Variants in SEC16B observed in about 807,000 individuals in gnomAD.
The protein encoded by SEC16B is SEC16 homolog B, endoplasmic reticulum export factor.
SEC16B carries 115 observed loss-of-function variants against 141.8 expected under a neutral mutation model. The observed-to-expected ratio is 0.81, with a 90% CI of 0.70 to 0.95. The LOEUF is 0.95. Among genes scored for constraint, SEC16B ranks in the 40% least tolerant of loss-of-function variants. SEC16B has a pLI of 0.00. For synonymous variants in SEC16B, 493 were observed against 492.5 expected, an observed-to-expected ratio of 1.00 and a Z score of -0.01; for missense variants, 1,291 against 1,312.3, an observed-to-expected ratio of 0.98 and a Z score of 0.25.
At chr1:177,968,122 C>T in intron 1 of SEC16B, 83 bp from the exon 2 acceptor site, 2 of 772,766 alleles carry the variant, frequency 2.6e-6, no homozygotes, top group Non-Finnish European at 2.0e-6. Context: ...GTGAAAAGAG[C>T]AGCTATGGTC....
Position 177,932,781 on chromosome 1 carries a change from TG to T in SEC16B, c.2848del (p.His950ThrfsTer9). ...SEETPRASSP[H>X]QAGLGLSLTP... ...CAGTGAGAGGCCCAGGCCAGCCTGG[TG>T]GGGAGAAGATGCTCTGGGGGTCTCC... is the stretch of plus-strand genomic sequence containing the variant. On this transcript the variant is annotated frameshift_variant, in exon 23 of 26. Transcript: ENST00000308284. LOFTEE classifies it high-confidence loss of function. 1 of 1,612,692 alleles carries T rather than the reference TG, an allele frequency of 6.2e-7. No individual in the cohort carries two copies. The highest frequency in any genetic ancestry group is 8.5e-7 in the Non-Finnish European group (1 of 1,179,544).
chr1:177,964,103 G>T, intron 5 of SEC16B, 68 bp downstream of exon 5: 2 of 1,152,154 alleles, frequency 1.7e-6, no homozygotes, highest in Non-Finnish European at 1.2e-6. Flanking sequence ...GCCCTGTTCT[G>T]CCACTGCTGA....
intron 14 of SEC16B, 163 bp downstream of exon 14, chr1:177,946,248 CCACGGGGCA>C (rs1332901568): frequency 1.5e-6 from 1 of 675,728 alleles, no homozygotes; most frequent in African/African-American, 1.8e-5. Flanking sequence ...AATGTGGGGC[CCACGGGGCA>C]TCTCCTTGCA....
intron 9 of SEC16B, 69 bp downstream of exon 9, chr1:177,958,771 T>C: frequency 6.6e-7 from 1 of 1,516,394 alleles, no homozygotes; most frequent in South Asian, 1.3e-5. Flanking sequence ...GTCATAAACA[T>C]AATCTTATCT....
intron 1 of SEC16B, 146 bp from the exon 2 acceptor site, chr1:177,968,185 GAAACA>G: frequency 4.1e-6 from 2 of 489,162 alleles, no homozygotes; most frequent in Non-Finnish European, 7.2e-6. Flanking sequence ...AGAAATCTGA[GAAACA>G]ATCTCAGATA....
intron 5 of SEC16B, among the ~76,000 whole-genome samples, chr1:177,962,334 T>C (rs1443660959): frequency 6.6e-6 from 1 of 152,016 alleles, no homozygotes; most frequent in Non-Finnish European, 1.5e-5. Context: ...CCTCCCAAAG[T>C]GCTGGGATTA....
At chr1:177,978,086 A>T (rs897914277) in intron 1 of SEC16B, among the ~76,000 whole-genome samples, 1 of 152,198 alleles carries the variant, frequency 6.6e-6, no homozygotes, top group Admixed American at 6.5e-5. Context: ...ACTTTGGTAC[A>T]CTATGGGAAT....
chr1:177,958,115 G>A lies in SEC16B; in HGVS notation c.1365+17C>T, dbSNP rs1425596989. On this transcript the variant is annotated intron_variant, in intron 10 of 25. Transcript: ENST00000308284. ...GATTGCTTTTTCAAAATAAGTATGGGGGAAGGGCATACTTGCCTTCTTCCT... is the reference window on the plus strand; with the variant it reads ...GATTGCTTTTTCAAAATAAGTATGGAGGAAGGGCATACTTGCCTTCTTCCT... The A allele has an allele frequency of 1.4e-6, 2 of 1,457,620 alleles. No homozygotes were observed. The highest frequency in any genetic ancestry group is 1.8e-6 in the Non-Finnish European group (2 of 1,094,412). The allele number at this position is 1,457,620 out of a possible 1,614,324, so 90.3% of individuals were successfully genotyped here. A position where few individuals can be genotyped will look rare whatever the true frequency, so the allele number is the denominator to read the frequency against.
chr1:177,948,735 T>TA, intron 12 of SEC16B: 1 of 1,193,644 alleles, frequency 8.4e-7, no homozygotes, highest in Non-Finnish European at 1.1e-6. Context: ...TCCTGCATCT[T>TA]ACTAGCTTAC....
chr1:177,940,893 CCT>C lies in SEC16B; in HGVS notation c.2023-181_2023-180del, dbSNP rs1651224410. Among the ~76,000 whole-genome samples, 3 of 152,158 alleles carry C rather than the reference CCT, an allele frequency of 2.0e-5. No homozygotes were observed. The South Asian group carries it at 6.2e-4, about 32-fold the overall frequency. On this transcript the variant is annotated intron_variant, in intron 16 of 25. Transcript: ENST00000308284. Reference sequence around the variant, plus strand: ...GAAAAACAGCAAATTCAGCAGATATCCTCCCAAAATTGCAACATAAATAAACA... The same window carrying C: ...GAAAAACAGCAAATTCAGCAGATATCCCCAAAATTGCAACATAAATAAACA...
At chr1:177,972,437 C>G (rs1018377867), upstream of SEC16B, among the ~76,000 whole-genome samples, 1 of 152,150 alleles carries the variant, frequency 6.6e-6, no homozygotes, top group Non-Finnish European at 1.5e-5. Context: ...CAATCCCCAC[C>G]AGGAGGTGGA....
chr1:177,942,719 T>A (rs750533436), intron 15 of SEC16B, among the ~76,000 whole-genome samples: 1 of 150,966 alleles, frequency 6.6e-6, no homozygotes, highest in Non-Finnish European at 1.5e-5. Flanking sequence ...GTCAAGCTAA[T>A]GGAGAGTACT....
chr1:177,948,036 G>A, intron 12 of SEC16B, 94 bp from the exon 13 acceptor site: 1 of 996,750 alleles, frequency 1.0e-6, no homozygotes, highest in Non-Finnish European at 1.5e-6. Context: ...TTCAGAAGTG[G>A]TCAGAGAATG....
chr1:177,962,739 C>CT (rs1452506615), intron 5 of SEC16B, among the ~76,000 whole-genome samples: 1 of 151,950 alleles, frequency 6.6e-6, no homozygotes, highest in Non-Finnish European at 1.5e-5. Flanking sequence ...GAGCAACACT[C>CT]TGTCTCTAAA....
At chr1:177,971,228 C>T (rs1051625305), upstream of SEC16B, among the ~76,000 whole-genome samples, 6 of 152,008 alleles carry the variant, frequency 3.9e-5, no homozygotes, top group East Asian at 3.9e-4. Context: ...ATTACAGGTG[C>T]GTGCCACCAC....
chr1:177,961,412 T>G (rs1018470440), intron 6 of SEC16B, 178 bp downstream of exon 6: 2 of 608,218 alleles, frequency 3.3e-6, no homozygotes, highest in Admixed American at 3.6e-5. Flanking sequence ...TATGATGCAA[T>G]TACTATTACA....
At chr1:177,965,846 CT>C in intron 3 of SEC16B, 46 bp downstream of exon 3, 1 of 1,223,894 alleles carries the variant, frequency 8.2e-7, no homozygotes, top group Non-Finnish European at 1.2e-6. Context: ...CTCAGACCAG[CT>C]GCCCCATCCC....
chr1:177,961,542 C>A, intron 6 of SEC16B, 48 bp downstream of exon 6: 1 of 1,561,672 alleles, frequency 6.4e-7, no homozygotes, highest in Non-Finnish European at 8.7e-7. Flanking sequence ...GCCACCCAGC[C>A]CTTCCACATC....
At chr1:177,934,651 C>T (rs1240965970) in intron 20 of SEC16B, among the ~76,000 whole-genome samples, 1 of 152,106 alleles carries the variant, frequency 6.6e-6, no homozygotes, top group Non-Finnish European at 1.5e-5. Context: ...AAAGGTTAAG[C>T]AACCTGTGTC....
Sources: allele counts gnomAD v4.1 joint callset (sites outside exome capture counted in the v4.1 genomes callset), GRCh38; gene constraint gnomAD v4.1.1; transcripts MANE v1.5; gene names NCBI Gene and HGNC (gene_info 2026-07-23, HGNC 2026-07-21).